The following CPEB3 variants were observed in gnomAD, a reference collection of about 807,000 sequenced individuals.
CPEB3 encodes the protein cytoplasmic polyadenylation element binding protein 3.
Under a neutral mutation model 67.2 loss-of-function variants are expected in CPEB3, and 20 were observed. The ratio of observed to expected loss-of-function variants is 0.30; its 90% CI spans 0.21 to 0.43. The LOEUF is 0.43. Ranked by LOEUF, CPEB3 falls within the 20% of genes least tolerant of loss-of-function variation. The pLI, the probability that CPEB3 is intolerant of heterozygous loss-of-function variation, is 1.00. For missense variants in CPEB3, 746 were observed against 968.6 expected (o/e 0.77, Z 3.05); for synonymous variants, 376 against 393.1 (o/e 0.96, Z 0.51).
At chr10:92,069,142 C>T (rs1451027771) in intron 9 of CPEB3, among the ~76,000 whole-genome samples, 3 of 151,990 alleles carry the variant, frequency 2.0e-5, no homozygotes, top group Non-Finnish European at 4.4e-5. Flanking sequence ...GAACAAAGTA[C>T]AGTATTATCA....
chr10:92,063,426 C>A (rs1396758037), intron 9 of CPEB3, among the ~76,000 whole-genome samples: 1 of 152,158 alleles, frequency 6.6e-6, no homozygotes, highest in Non-Finnish European at 1.5e-5. Context: ...CAAAGACTGG[C>A]CTCTGTTACA....
intron 4 of CPEB3, among the ~76,000 whole-genome samples, chr10:92,163,365 C>T (rs1324411217): frequency 6.6e-6 from 1 of 151,864 alleles, no homozygotes; most frequent in Non-Finnish European, 1.5e-5. Flanking sequence ...ACCCGGGAGG[C>T]GGAGGTTGCA....
At chr10:92,161,412 C>A (rs894273007) in intron 4 of CPEB3, among the ~76,000 whole-genome samples, 7 of 151,840 alleles carry the variant, frequency 4.6e-5, no homozygotes, top group African/African-American at 1.7e-4. Flanking sequence ...GCTGGGATTA[C>A]AGGTGCCTGC....
At chr10:92,208,019 A>C (rs2134308817) in intron 2 of CPEB3, among the ~76,000 whole-genome samples, 1 of 152,340 alleles carries the variant, frequency 6.6e-6, no homozygotes, top group Non-Finnish European at 1.5e-5. Context: ...AGGACCTGGG[A>C]TATGTTGAAG....
intron 2 of CPEB3, among the ~76,000 whole-genome samples, chr10:92,210,676 C>T (rs780273337): frequency 1.3e-5 from 2 of 152,204 alleles, no homozygotes; most frequent in African/African-American, 2.4e-5. Flanking sequence ...TTAACAACTA[C>T]TCTTCATTTG....
At chr10:92,174,024 T>C (rs1230366121) in intron 4 of CPEB3, among the ~76,000 whole-genome samples, 1 of 152,204 alleles carries the variant, frequency 6.6e-6, no homozygotes, top group African/African-American at 2.4e-5. Flanking sequence ...CTCAAGATAA[T>C]TCCTTTACTA....
chr10:92,273,177 ATATAT>A (rs1853377467), intron 1 of CPEB3, among the ~76,000 whole-genome samples: 2 of 152,246 alleles, frequency 1.3e-5, no homozygotes, highest in African/African-American at 4.8e-5. Context: ...TCAGATTTTC[ATATAT>A]TATATTTTAT....
intron 2 of CPEB3, among the ~76,000 whole-genome samples, chr10:92,205,272 T>C (rs1442451095): frequency 6.6e-6 from 1 of 152,218 alleles, no homozygotes; most frequent in Non-Finnish European, 1.5e-5. Flanking sequence ...AAAATGGATG[T>C]GTATACTGTT....
At chr10:92,210,107 C>T (rs1020302567) in intron 2 of CPEB3, among the ~76,000 whole-genome samples, 2 of 151,910 alleles carry the variant, frequency 1.3e-5, no homozygotes, top group Non-Finnish European at 2.9e-5. Context: ...CCTGTAGTAG[C>T]CAGAATTATA....
intron 6 of CPEB3, among the ~76,000 whole-genome samples, chr10:92,123,063 G>C (rs1294787678): frequency 6.6e-6 from 1 of 152,228 alleles, no homozygotes; most frequent in Non-Finnish European, 1.5e-5. Context: ...GGTGGGAATA[G>C]TTGGGAATGG....
chr10:92,137,058 T>C (rs1372918661), intron 6 of CPEB3: 1 of 262,088 alleles, frequency 3.8e-6, no homozygotes, highest in Non-Finnish European at 7.9e-6. Flanking sequence ...GTATCAAGGA[T>C]TATGATGTGA....
chr10:92,267,412 G>A (rs1043389050), intron 1 of CPEB3, among the ~76,000 whole-genome samples: 2 of 152,210 alleles, frequency 1.3e-5, no homozygotes, highest in African/African-American at 4.8e-5. Flanking sequence ...TAGAGGGTAA[G>A]TGGACCAGAA....
At chr10:92,190,832 C>T (rs1028622027) in intron 3 of CPEB3, among the ~76,000 whole-genome samples, 2 of 152,060 alleles carry the variant, frequency 1.3e-5, no homozygotes, top group African/African-American at 4.8e-5. Flanking sequence ...TCTCTTTTGA[C>T]CCAAAGACTC....
chr10:92,088,968 A>AT, intron 8 of CPEB3, among the ~76,000 whole-genome samples: 1 of 152,188 alleles, frequency 6.6e-6, no homozygotes. Flanking sequence ...CTATAAACAC[A>AT]TTTGTTTTCT....
chr10:92,289,732 A>AAAAAAAAAAAAAAAAAAAAAAAAT, intron 1 of CPEB3, among the ~76,000 whole-genome samples: 1 of 75,770 alleles, frequency 1.3e-5, no homozygotes, highest in African/African-American at 5.1e-5. Context: ...AAAAAAAAAA[A>AAAAAAAAAAAAAAAAAAAAAAAAT]ATATATATAT....
chr10:92,103,183 TG>T (rs1844276404), intron 7 of CPEB3, among the ~76,000 whole-genome samples: 1 of 152,190 alleles, frequency 6.6e-6, no homozygotes, highest in African/African-American at 2.4e-5. Flanking sequence ...CCCAAGGTCT[TG>T]GGCTTAATGA....
intron 2 of CPEB3, among the ~76,000 whole-genome samples, chr10:92,195,044 AAAACACACACAC>A (rs1402937031): frequency 8.0e-5 from 6 of 74,662 alleles, no homozygotes; most frequent in Admixed American, 1.5e-4. Flanking sequence ...ACTGTCTCAA[AAAACACACACAC>A]ACACACACAC....
At chr10:92,090,219 G>C (rs1211905476) in intron 8 of CPEB3, among the ~76,000 whole-genome samples, 1 of 152,018 alleles carries the variant, frequency 6.6e-6, no homozygotes, top group Non-Finnish European at 1.5e-5. Flanking sequence ...TCCTATCTAG[G>C]AAAAAAAGGA....
At chr10:92,109,567 G>T (rs536930627) in intron 7 of CPEB3, among the ~76,000 whole-genome samples, 20 of 152,104 alleles carry the variant, frequency 1.3e-4, no homozygotes, top group South Asian at 2.1e-4. Context: ...CAGATTTTTT[G>T]TGTGTGTGGA....
Sources: allele counts gnomAD v4.1 joint callset (sites outside exome capture counted in the v4.1 genomes callset), GRCh38; gene constraint gnomAD v4.1.1; transcripts MANE v1.5; gene names NCBI Gene and HGNC (gene_info 2026-07-23, HGNC 2026-07-21).